CNOT6: variants seen among roughly 807,000 people sequenced by gnomAD.
The protein encoded by CNOT6 is carbon catabolite repression 4 protein.
In CNOT6, 12 loss-of-function variants were observed where a neutral mutation model predicts 61.2. The observed-to-expected ratio is 0.20, with a 90% CI of 0.13 to 0.32. CNOT6 has a LOEUF of 0.32. CNOT6 is among the 10% of genes least tolerant of loss of function. The pLI, the probability that CNOT6 is intolerant of heterozygous loss-of-function variation, is 1.00. For missense variants in CNOT6, 405 were observed against 663.9 expected (o/e 0.61, Z 4.28); for synonymous variants, 225 against 240.6 (o/e 0.94, Z 0.60).
chr5:180,553,275 C>T (rs1305528512), intron 3 of CNOT6, 111 bp from the exon 4 acceptor site: 22 of 532,386 alleles, frequency 4.1e-5, no homozygotes, highest in African/African-American at 3.1e-4. Flanking sequence ...TGAAATATAA[C>T]GTAACATTTT....
intron 2 of CNOT6, among the ~76,000 whole-genome samples, chr5:180,538,612 C>T (rs958064197): frequency 1.3e-5 from 2 of 150,086 alleles, no homozygotes; most frequent in East Asian, 2.0e-4. Flanking sequence ...TGCTTGAACC[C>T]GGGAGGCGGA....
chr5:180,556,354 T>C (rs1470002765), intron 4 of CNOT6, among the ~76,000 whole-genome samples: 1 of 152,188 alleles, frequency 6.6e-6, no homozygotes, highest in Non-Finnish European at 1.5e-5. Context: ...ATCTGTTGCA[T>C]AGCATAGTAA....
At chr5:180,571,484 T>C in intron 11 of CNOT6, 52 bp downstream of exon 11, 1 of 1,273,490 alleles carries the variant, frequency 7.9e-7, no homozygotes, top group Non-Finnish European at 1.1e-6. Flanking sequence ...CTGGCAGGTG[T>C]TCTGATACAT....
At chr5:180,544,208 C>G (rs1291556792) in intron 2 of CNOT6, among the ~76,000 whole-genome samples, 26 of 152,208 alleles carry the variant, frequency 1.7e-4, no homozygotes, top group Admixed American at 1.7e-3. Flanking sequence ...CACAGGAAAT[C>G]ATGAGGGCAG....
At chr5:180,564,355 A>G (rs1192448155) in intron 4 of CNOT6, 134 bp from the exon 5 acceptor site, 1 of 650,658 alleles carries the variant, frequency 1.5e-6, no homozygotes, top group African/African-American at 1.8e-5. Context: ...TGAAAAAACA[A>G]TATTTTCTAT....
At chr5:180,525,579 G>T (rs990966041) in intron 1 of CNOT6, among the ~76,000 whole-genome samples, 2 of 151,974 alleles carry the variant, frequency 1.3e-5, no homozygotes, top group African/African-American at 4.8e-5. Flanking sequence ...CTGTCAGCAG[G>T]GAGGCAGCAT....
At chr5:180,538,106 T>G (rs13171609) in intron 2 of CNOT6, among the ~76,000 whole-genome samples, 100 of 145,832 alleles carry the variant, frequency 6.9e-4, no homozygotes, top group Non-Finnish European at 1.3e-3. Flanking sequence ...TGGCTGGATC[T>G]CCGCACATTG....
At chr5:180,550,587 A>G (rs1011045748) in intron 3 of CNOT6, among the ~76,000 whole-genome samples, 1 of 152,218 alleles carries the variant, frequency 6.6e-6, no homozygotes, top group African/African-American at 2.4e-5. Flanking sequence ...AATGTCAGCT[A>G]ATAATAAATT....
chr5:180,569,896 T>C (rs1760655291), intron 10 of CNOT6, among the ~76,000 whole-genome samples: 1 of 152,236 alleles, frequency 6.6e-6, no homozygotes, highest in Non-Finnish European at 1.5e-5. Context: ...GTGGATAGTA[T>C]ACAATAAACA....
At chr5:180,557,553 C>A (rs1759960532) in intron 4 of CNOT6, among the ~76,000 whole-genome samples, 1 of 152,074 alleles carries the variant, frequency 6.6e-6, no homozygotes, top group African/African-American at 2.4e-5. Flanking sequence ...TTGTCATTGT[C>A]CATGTTCTAA....
chr5:180,499,736 A>G (rs1316628925), intron 1 of CNOT6, among the ~76,000 whole-genome samples: 1 of 152,218 alleles, frequency 6.6e-6, no homozygotes, highest in Non-Finnish European at 1.5e-5. Context: ...ATACTGTAAT[A>G]AATGTGGCAT....
intron 1 of CNOT6, among the ~76,000 whole-genome samples, chr5:180,523,988 G>T (rs936511761): frequency 1.3e-5 from 2 of 152,142 alleles, no homozygotes; most frequent in Non-Finnish European, 2.9e-5. Flanking sequence ...GGAATGTTTT[G>T]TGTTTCTTTA....
At chr5:180,572,698 C>T (rs72815000) in intron 11 of CNOT6, among the ~76,000 whole-genome samples, 3,176 of 151,168 alleles carry the variant, frequency 0.021, 52 homozygotes, top group Non-Finnish European at 0.031. Context: ...TACAGGTGTC[C>T]GCCGCCATAC....
intron 11 of CNOT6, among the ~76,000 whole-genome samples, chr5:180,573,260 C>T (rs554642774): frequency 4.6e-5 from 7 of 152,154 alleles, no homozygotes; most frequent in African/African-American, 1.4e-4. Flanking sequence ...GATGCCATGG[C>T]GGGGTGCTGC....
At chr5:180,538,229 C>T (rs1039253268) in intron 2 of CNOT6, among the ~76,000 whole-genome samples, 3 of 151,306 alleles carry the variant, frequency 2.0e-5, no homozygotes, top group African/African-American at 2.4e-5. Context: ...TTAGTAGAGA[C>T]GGGGTTTCAC....
chr5:180,509,583 A>ATT (rs756885836), intron 1 of CNOT6, among the ~76,000 whole-genome samples: 2,698 of 139,830 alleles, frequency 0.019, 35 homozygotes, highest in Non-Finnish European at 0.028. Context: ...CACCTGGCTA[A>ATT]TTTTTTTTTT....
At chr5:180,543,351 A>T (rs11249722) in intron 2 of CNOT6, among the ~76,000 whole-genome samples, 2 of 151,944 alleles carry the variant, frequency 1.3e-5, no homozygotes, top group Non-Finnish European at 2.9e-5. Context: ...GAGCCAGTGC[A>T]CCCGGCCTGC....
At position 180,564,162 on chromosome 5, in the gene CNOT6, G is replaced by A. The variant is rs548668243; in HGVS notation, c.386-327G>A. On this transcript the variant is annotated intron_variant, in intron 4 of 11. Transcript: ENST00000261951. Reference sequence around the variant, plus strand: ...CACCCACTCTCCCAGTCACCTGCCTGCCCCGTTCGTGTTTTGCTCACTCTT... The same window carrying A: ...CACCCACTCTCCCAGTCACCTGCCTACCCCGTTCGTGTTTTGCTCACTCTT... 2.9e-4 allele frequency among the ~76,000 whole-genome samples: 44 copies of A among 152,188 alleles called. No individual in the cohort carries two copies. In the South Asian group the frequency reaches 5.0e-3, roughly 17 times the overall value.
chr5:180,555,795 A>G (rs1178660324), intron 4 of CNOT6, among the ~76,000 whole-genome samples: 1 of 152,208 alleles, frequency 6.6e-6, no homozygotes, highest in Non-Finnish European at 1.5e-5. Flanking sequence ...GTTTGCTATT[A>G]TACGTCATAC....
Sources: gnomAD v4.1 joint callset for allele counts (sites outside exome capture counted in the v4.1 genomes callset) on GRCh38, gnomAD v4.1.1 for gene constraint, MANE v1.5 for transcripts, NCBI Gene and HGNC (gene_info 2026-07-23, HGNC 2026-07-21) for gene names.